Variants in CHLSN observed in about 807,000 individuals in gnomAD.
CHLSN encodes protein cholesin.
the CHLSN span, among the ~76,000 whole-genome samples, chr7:1,127,807 C>A: frequency 1.7e-5 from 1 of 58,426 alleles, no homozygotes; most frequent in African/African-American, 1.4e-4. Context: ...TCGGCTGATC[C>A]CACCGTCACC....
the CHLSN span, among the ~76,000 whole-genome samples, chr7:986,085 C>T: frequency 6.6e-6 from 1 of 152,222 alleles, no homozygotes; most frequent in Non-Finnish European, 1.5e-5. Flanking sequence ...AGAGCATTCC[C>T]TGGCCTTCCC....
chr7:1,106,053 G>A, the CHLSN span, among the ~76,000 whole-genome samples: 2 of 152,142 alleles, frequency 1.3e-5, no homozygotes, highest in Non-Finnish European at 2.9e-5. Context: ...GTATGATTTC[G>A]ATGCTGTTTA....
At chr7:1,109,748 G>A in the CHLSN span, among the ~76,000 whole-genome samples, 6 of 151,792 alleles carry the variant, frequency 4.0e-5, no homozygotes, top group African/African-American at 9.7e-5. Context: ...CGTGGGCGGC[G>A]GAGCCCTTCC....
the CHLSN span, among the ~76,000 whole-genome samples, chr7:1,063,990 G>C: frequency 1.1e-4 from 16 of 152,172 alleles, no homozygotes; most frequent in African/African-American, 3.6e-4. Flanking sequence ...GCAGAGGTGG[G>C]GGGCAGGGGG....
the CHLSN span, among the ~76,000 whole-genome samples, chr7:1,132,063 G>C: frequency 6.6e-6 from 1 of 152,170 alleles, no homozygotes; most frequent in Admixed American, 6.5e-5. Context: ...ACTCAAAATA[G>C]ATCAAAGTCC....
At chr7:1,112,826 C>A in the CHLSN span, among the ~76,000 whole-genome samples, 3 of 152,134 alleles carry the variant, frequency 2.0e-5, no homozygotes, top group African/African-American at 7.2e-5. Flanking sequence ...AGAAGCGCAG[C>A]GGCTTCGTAA....
At chr7:1,087,309 G>C in the CHLSN span, 2 of 152,256 alleles carry the variant, frequency 1.3e-5, no homozygotes, top group African/African-American at 4.8e-5. Context: ...AACACTCAGA[G>C]AAAACTACCG....
the CHLSN span, chr7:988,713 G>A: frequency 4.9e-5 from 79 of 1,599,512 alleles, no homozygotes; most frequent in Non-Finnish European, 6.1e-5. Context: ...CAGAGGTACC[G>A]CCTGCTGCCC....
At chr7:983,202 C>A in the CHLSN span, 1 of 1,487,548 alleles carries the variant, frequency 6.7e-7, no homozygotes, top group Non-Finnish European at 9.0e-7. Context: ...GCCTCACCAG[C>A]CACGTCCTCA....
the CHLSN span, among the ~76,000 whole-genome samples, chr7:1,118,578 G>C: frequency 1.3e-5 from 2 of 151,806 alleles, no homozygotes; most frequent in Non-Finnish European, 2.9e-5. Context: ...TCAATAAGTC[G>C]CAAAAAAATG....
chr7:1,033,399 A>C, the CHLSN span, among the ~76,000 whole-genome samples: 1,965 of 152,188 alleles, frequency 0.013, 41 homozygotes, highest in African/African-American at 0.041. Flanking sequence ...CTCAACTAAA[A>C]ACACAAAAAT....
the CHLSN span, among the ~76,000 whole-genome samples, chr7:1,102,011 A>G: frequency 3.3e-5 from 5 of 152,246 alleles, no homozygotes; most frequent in African/African-American, 4.8e-5. Context: ...TCTTGCCCAT[A>G]GAAGTCATCA....
At chr7:1,089,042 T>G in the CHLSN span, among the ~76,000 whole-genome samples, 1 of 152,202 alleles carries the variant, frequency 6.6e-6, no homozygotes, top group Non-Finnish European at 1.5e-5. Flanking sequence ...AAACGTTAAG[T>G]TGAGGGTTCT....
the CHLSN span, among the ~76,000 whole-genome samples, chr7:1,081,164 C>T: frequency 6.6e-6 from 1 of 152,272 alleles, no homozygotes; most frequent in African/African-American, 2.4e-5. Flanking sequence ...TCATCCAGGG[C>T]CACCAGGGCC....
At chr7:1,095,373 T>C in the CHLSN span, among the ~76,000 whole-genome samples, 2 of 141,828 alleles carry the variant, frequency 1.4e-5, no homozygotes, top group African/African-American at 5.3e-5. Flanking sequence ...GGGCACTCTC[T>C]TTACAAGATG....
the CHLSN span, among the ~76,000 whole-genome samples, chr7:1,100,467 C>T: frequency 4.6e-5 from 7 of 152,366 alleles, no homozygotes; most frequent in East Asian, 1.3e-3. Context: ...GCGTGCGGCC[C>T]ATCTCCGCGG....
chr7:1,106,628 G>T, the CHLSN span, among the ~76,000 whole-genome samples: 1 of 152,172 alleles, frequency 6.6e-6, no homozygotes, highest in Non-Finnish European at 1.5e-5. Context: ...TGAGGGTGAC[G>T]GGCCTGGGGC....
the CHLSN span, chr7:987,239 G>A: frequency 2.9e-5 from 45 of 1,526,916 alleles, no homozygotes; most frequent in Non-Finnish European, 3.5e-5. Flanking sequence ...GCACCCGGAC[G>A]TGCAGGGTGA....
At chr7:1,001,180 G>A in the CHLSN span, among the ~76,000 whole-genome samples, 9 of 152,206 alleles carry the variant, frequency 5.9e-5, no homozygotes, top group Non-Finnish European at 1.0e-4. Flanking sequence ...TCCCAGATAC[G>A]TGTTTCCAGG....
Sources: allele counts gnomAD v4.1 joint callset (sites outside exome capture counted in the v4.1 genomes callset), GRCh38; gene constraint gnomAD v4.1.1; transcripts MANE v1.5; gene names NCBI Gene and HGNC (gene_info 2026-07-23, HGNC 2026-07-21).